Variants in LRP11 observed in about 807,000 individuals in gnomAD.
The protein encoded by LRP11 is low-density lipoprotein receptor-related protein 11.
A neutral mutation model predicts 43.1 loss-of-function variants in LRP11; 25 were observed. The observed-to-expected ratio is 0.58, with a 90% CI of 0.42 to 0.81. The LOEUF (loss-of-function observed/expected upper bound fraction) is 0.81. LRP11 is among the 30% of genes least tolerant of loss of function. The pLI, the probability that LRP11 is intolerant of heterozygous loss-of-function variation, is 0.00. For synonymous variants in LRP11, 316 were observed against 299.4 expected (o/e 1.06, Z -0.57); for missense variants, 623 against 665.1 (o/e 0.94, Z 0.70).
chr6:149,818,923 G>GC lies in LRP11; in HGVS notation c.*1625dup, dbSNP rs1212291534. The GC allele has an allele frequency of 6.6e-6, 1 of 152,564 alleles. No individual in the cohort carries two copies. The highest frequency in any genetic ancestry group is 6.5e-5 in the Admixed American group (1 of 15,272). 9.5% of individuals were successfully genotyped at this position (152,564 alleles called of 1,614,324 possible). The stretch of plus-strand genomic sequence containing the variant: ...ATAAAAGATGTGCTGAAAGCTGCAT[G>GC]CCTCATCAGTTTTTATTTTATTGGT... On this transcript the variant is annotated 3_prime_UTR_variant, in exon 7 of 7. Transcript: ENST00000239367.
intron 2 of LRP11, among the ~76,000 whole-genome samples, chr6:149,845,016 T>C (rs1776611219): frequency 6.6e-6 from 1 of 152,174 alleles, no homozygotes; most frequent in South Asian, 2.1e-4. Context: ...ATGATCACAC[T>C]GAAAGAAACA....
At chr6:149,847,149 T>G (rs192180053) in intron 2 of LRP11, among the ~76,000 whole-genome samples, 2 of 152,250 alleles carry the variant, frequency 1.3e-5, no homozygotes, top group East Asian at 1.9e-4. Flanking sequence ...AGAGTGCCAA[T>G]GTCAGACTAA....
At chr6:149,822,707 TATACTTA>T (rs1776291979) in intron 6 of LRP11, among the ~76,000 whole-genome samples, 1 of 152,202 alleles carries the variant, frequency 6.6e-6, no homozygotes, top group Non-Finnish European at 1.5e-5. Context: ...AACAAAGTGT[TATACTTA>T]CTATGATAGA....
Position 149,863,394 on chromosome 6 carries a change from A to C in LRP11, c.613+14T>G. The C allele has an allele frequency of 7.5e-7, 1 of 1,334,674 alleles. No homozygotes were observed. The highest frequency in any genetic ancestry group is 9.5e-7 in the Non-Finnish European group (1 of 1,048,670). The allele number at this position is 1,334,674 out of a possible 1,614,324, so 82.7% of individuals were successfully genotyped here. On this transcript the variant is annotated intron_variant, in intron 1 of 6. Coordinates refer to ENST00000239367, the MANE Select transcript of LRP11 (RefSeq NM_032832.6). ...GCGCTCTGGCCAAGGCCGGCCCCTC[A>C]GTCGCGCGCTTACCCTGCCGGGGCG...
chr6:149,864,247 T>C lies in LRP11; in HGVS notation c.-227A>G. 9.2e-7 allele frequency: 1 copy of C among 1,084,448 alleles called. No individual in the cohort carries two copies. The highest frequency in any genetic ancestry group is 4.5e-5 in the South Asian group (1 of 22,222). 67.2% of individuals were successfully genotyped at this position (1,084,448 alleles called of 1,614,324 possible). ...GCCGGCCCAGCCGGGCACCGCTCCTTGCCCTCGCCGGAGACTGCCCAGCGC... is the reference window on the plus strand; with the variant it reads ...GCCGGCCCAGCCGGGCACCGCTCCTCGCCCTCGCCGGAGACTGCCCAGCGC... On this transcript the variant is annotated 5_prime_UTR_variant, in exon 1 of 7. Coordinates refer to ENST00000239367, the MANE Select transcript of LRP11 (RefSeq NM_032832.6).
At chr6:149,846,489 G>A (rs1776634458) in intron 2 of LRP11, among the ~76,000 whole-genome samples, 1 of 152,222 alleles carries the variant, frequency 6.6e-6, no homozygotes, top group South Asian at 2.1e-4. Flanking sequence ...GGAGCAGCAG[G>A]TGCTGGCCCC....
At chr6:149,834,644 T>G (rs1199459747) in intron 5 of LRP11, among the ~76,000 whole-genome samples, 1 of 152,178 alleles carries the variant, frequency 6.6e-6, no homozygotes, top group African/African-American at 2.4e-5. Flanking sequence ...CAAACTATCT[T>G]AAGCAGAGAA....
Position 149,863,868 on chromosome 6 carries a change from C to G in LRP11, c.153G>C (p.Gln51His), listed in dbSNP as rs1021058856. 7 of 1,505,340 alleles carry G rather than the reference C, an allele frequency of 4.7e-6. No individual in the cohort carries two copies. The African/African-American group carries it at 8.7e-5, about 19-fold the overall frequency. The allele number at this position is 1,505,340 out of a possible 1,614,324, so 93.2% of individuals were successfully genotyped here. Reference sequence around the variant, plus strand: ...CCAGCAGCTGCTCCACGCCCGACAGCTGCGCGTGCAGTTCGGACAGCGGCG... The same window carrying G: ...CCAGCAGCTGCTCCACGCCCGACAGGTGCGCGTGCAGTTCGGACAGCGGCG... ...PAAPLSELHA[Q>H]LSGVEQLLEE... is the part of the protein sequence containing the mutation. The change falls in exon 1 of 7, where the codon CAG becomes CAC. Residue 51 changes from glutamine to histidine, a missense_variant. Transcript: ENST00000239367.
At chr6:149,861,514 G>C (rs181296836) in intron 1 of LRP11, among the ~76,000 whole-genome samples, 1 of 152,188 alleles carries the variant, frequency 6.6e-6, no homozygotes, top group African/African-American at 2.4e-5. Flanking sequence ...GTAACCTGAA[G>C]TTTTTGTTTC....
At chr6:149,845,033 C>T (rs1006702042) in intron 2 of LRP11, among the ~76,000 whole-genome samples, 2 of 152,170 alleles carry the variant, frequency 1.3e-5, no homozygotes, top group African/African-American at 4.8e-5. Context: ...AACACTGGTG[C>T]GTGGTTAAGA....
At chr6:149,839,765 A>G (rs1272568295) in intron 3 of LRP11, among the ~76,000 whole-genome samples, 17 of 152,112 alleles carry the variant, frequency 1.1e-4, no homozygotes, top group Admixed American at 1.1e-3. Context: ...ACTGACTCTC[A>G]TGTCTCAGCC....
At position 149,863,709 on chromosome 6, in the gene LRP11, G is replaced by A. The variant is rs1203887679; in HGVS notation, c.312C>T (p.Ile104=). 2 of 1,482,122 alleles carry A rather than the reference G, an allele frequency of 1.3e-6. No individual in the cohort carries two copies. The highest frequency in any genetic ancestry group is 1.3e-5 in the South Asian group (1 of 78,992). The allele number at this position is 1,482,122 out of a possible 1,614,324, so 91.8% of individuals were successfully genotyped here. A position where few individuals can be genotyped will look rare whatever the true frequency, so the allele number is the denominator to read the frequency against. ...SGGYSAMPDA[I]IRTKDSLAAG... ...CCGCCAGGGAGTCCTTGGTGCGGAT[G>A]ATGGCGTCAGGCATTGCGCTGTAGC... Residue 104 remains isoleucine (I), a synonymous_variant, in exon 1 of 7, where the codon ATC becomes ATT. Coordinates refer to ENST00000239367, the MANE Select transcript of LRP11 (RefSeq NM_032832.6).
At position 149,864,241 on chromosome 6, in the gene LRP11, G is replaced by T; in HGVS notation, c.-221C>A. ...GACATAGCCGGCCCAGCCGGGCACCGCTCCTTGCCCTCGCCGGAGACTGCC... is the reference window on the plus strand; with the variant it reads ...GACATAGCCGGCCCAGCCGGGCACCTCTCCTTGCCCTCGCCGGAGACTGCC... On this transcript the variant is annotated 5_prime_UTR_variant, in exon 1 of 7. Transcript: ENST00000239367. The T allele has an allele frequency of 1.8e-6, 2 of 1,091,788 alleles. No homozygotes were observed. Among genetic ancestry groups the T allele is most frequent in the Non-Finnish European group, 2.2e-6 (2 of 899,980 alleles). The allele number at this position is 1,091,788 out of a possible 1,614,324, so 67.6% of individuals were successfully genotyped here. A position where few individuals can be genotyped will look rare whatever the true frequency, so the allele number is the denominator to read the frequency against.
rs766047244 is a variant in LRP11, at chr6:149,863,770, C to A, written c.251G>T (p.Gly84Val). ...CGGGCCCGGGCAGTCCTCCTGGGGG[C>A]CGCCGCCCGCGCGCAGCTCCAGCTC... is the stretch of plus-strand genomic sequence containing the variant. ...ELELELRAGG[G>V]PQEDCPGPGS... Residue 84 changes from glycine (G) to valine (V), a missense_variant, in exon 1 of 7, where the codon GGC becomes GTC. Transcript: ENST00000239367. The A allele has an allele frequency of 9.5e-6, 14 of 1,477,590 alleles. No homozygotes were observed. Among genetic ancestry groups the A allele is most frequent in the Middle Eastern group, 4.6e-4 (2 of 4,378 alleles). The allele number at this position is 1,477,590 out of a possible 1,614,324, so 91.5% of individuals were successfully genotyped here.
intron 5 of LRP11, among the ~76,000 whole-genome samples, chr6:149,831,729 T>G (rs956041606): frequency 6.6e-6 from 1 of 152,190 alleles, no homozygotes; most frequent in Non-Finnish European, 1.5e-5. Context: ...AGTACAGTGG[T>G]GGGATTACAG....
chr6:149,842,304 G>A (rs890815045), intron 3 of LRP11, among the ~76,000 whole-genome samples: 1 of 151,796 alleles, frequency 6.6e-6, no homozygotes, highest in Middle Eastern at 3.2e-3. Flanking sequence ...TATTTATGAG[G>A]CACAATGTGA....
chr6:149,840,238 C>G (rs540660013), intron 3 of LRP11, among the ~76,000 whole-genome samples: 43 of 152,228 alleles, frequency 2.8e-4, no homozygotes, highest in African/African-American at 1.0e-3. Context: ...TCTCTTCTAC[C>G]TCTATTTTCC....
At chr6:149,863,319 G>C in intron 1 of LRP11, 89 bp downstream of exon 1, 1 of 1,284,698 alleles carries the variant, frequency 7.8e-7, no homozygotes, top group Non-Finnish European at 9.8e-7. Context: ...AAAATAACTT[G>C]GCACGAGTGT....
chr6:149,843,810 T>C (rs1290100366), intron 2 of LRP11, among the ~76,000 whole-genome samples: 1 of 152,182 alleles, frequency 6.6e-6, no homozygotes, highest in Non-Finnish European at 1.5e-5. Flanking sequence ...GTGCCGTGCT[T>C]GCTGTTTCTG....
Sources: gnomAD v4.1 joint callset for allele counts (sites outside exome capture counted in the v4.1 genomes callset) on GRCh38, gnomAD v4.1.1 for gene constraint, MANE v1.5 for transcripts, NCBI Gene and HGNC (gene_info 2026-07-23, HGNC 2026-07-21) for gene names.